The following DIP2C variants were observed in gnomAD, a reference collection of about 807,000 sequenced individuals.
The protein encoded by DIP2C is DIP2 acetate--CoA ligase C (putative).
In DIP2C, 33 loss-of-function variants were observed where a neutral mutation model predicts 192.4. The ratio of observed to expected loss-of-function variants is 0.17; its 90% CI spans 0.13 to 0.23. DIP2C has a LOEUF of 0.23. Ranked by LOEUF, DIP2C falls within the 10% of genes least tolerant of loss-of-function variation. The probability of loss-of-function intolerance (pLI) is 1.00; values close to 1 mark genes in which losing one functional copy is unlikely to be tolerated. For synonymous variants in DIP2C, 979 were observed against 864.1 expected, an observed-to-expected ratio of 1.13 and a Z score of -2.33; for missense variants, 1,537 against 2,110.1, an observed-to-expected ratio of 0.73 and a Z score of 5.32.
chr10:284,879 C>T (rs752399353), intron 34 of DIP2C, among the ~76,000 whole-genome samples: 6 of 151,994 alleles, frequency 3.9e-5, no homozygotes, highest in East Asian at 1.9e-4. Context: ...CCTCATAAAG[C>T]GGAAAAAACA....
In DIP2C at chr10:651,033, A is replaced by T; in HGVS notation, c.85+38461T>A. 1.4e-6 allele frequency: 1 copy of T among 716,996 alleles called. No individual in the cohort carries two copies. Among genetic ancestry groups the T allele is most frequent in the Non-Finnish European group, 2.6e-6 (1 of 384,986 alleles). 44.4% of individuals were successfully genotyped at this position (716,996 alleles called of 1,614,324 possible). On this transcript the variant is annotated intron_variant, in intron 1 of 36. Coordinates refer to ENST00000280886, the MANE Select transcript of DIP2C (RefSeq NM_014974.3). The surrounding 1 kb of genome is among the most constrained non-coding windows in gnomAD (Gnocchi z 4.1). ...CAGGCCCCAGCCCCCGTTTCTGCAG[A>T]AGCCCCTTTCCATCCTAGCCCCTGC...
At chr10:577,985 T>C (rs1051948007) in intron 1 of DIP2C, among the ~76,000 whole-genome samples, 3 of 152,126 alleles carry the variant, frequency 2.0e-5, no homozygotes, top group African/African-American at 7.2e-5. Flanking sequence ...CCATCAAGGG[T>C]GAAATTCCCA....
rs1358266055 is a variant in DIP2C at position 369,641 on chromosome 10, GAC to G, written c.1992-10_1992-9del. The G allele has an allele frequency of 3.1e-6, 5 of 1,614,112 alleles. No homozygotes were observed. The highest frequency in any genetic ancestry group is 1.3e-5 in the African/African-American group (1 of 75,038). ...TTACTGTCATCCGTGGGCCTGTAAT[GAC>G]AGTTTTTAACTTGAATATGCAGGAG... On this transcript the variant is annotated splice_polypyrimidine_tract_variant and intron_variant, in intron 17 of 36. Coordinates refer to ENST00000280886, the MANE Select transcript of DIP2C (RefSeq NM_014974.3).
intron 1 of DIP2C, among the ~76,000 whole-genome samples, chr10:513,680 CCCCCACCCCATGTCCAG>C (rs375178526): frequency 1.2e-4 from 18 of 152,206 alleles, no homozygotes; most frequent in African/African-American, 3.9e-4. Flanking sequence ...ATGACCTCCA[CCCCCACCCCATGTCCAG>C]CCTGCACATG....
At chr10:662,216 G>T in intron 1 of DIP2C, 1 of 670,786 alleles carries the variant, frequency 1.5e-6, no homozygotes, top group Non-Finnish European at 2.7e-6. Flanking sequence ...CCTCACACCT[G>T]CTCTCATTCC....
chr10:481,303 C>T (rs1482855140), intron 2 of DIP2C, among the ~76,000 whole-genome samples: 1 of 152,240 alleles, frequency 6.6e-6, no homozygotes, highest in Non-Finnish European at 1.5e-5. Context: ...CGTATGTAAC[C>T]AAAGTGCAAA....
chr10:613,668 A>G (rs1203666962), intron 1 of DIP2C, among the ~76,000 whole-genome samples: 3 of 152,218 alleles, frequency 2.0e-5, no homozygotes, highest in Non-Finnish European at 2.9e-5. Context: ...CTGAATTACA[A>G]TGGCAGATTC....
intron 32 of DIP2C, among the ~76,000 whole-genome samples, chr10:297,497 G>C (rs1955818528): frequency 6.6e-6 from 1 of 152,174 alleles, no homozygotes; most frequent in Non-Finnish European, 1.5e-5. Context: ...AGCCATAACA[G>C]AGAATGAAAT....
At chr10:364,261 G>C in intron 20 of DIP2C, 113 bp downstream of exon 20, 1 of 1,260,698 alleles carries the variant, frequency 7.9e-7, no homozygotes, top group Non-Finnish European at 1.1e-6. Flanking sequence ...CATGGAAGAG[G>C]AAACGGAGAC....
intron 1 of DIP2C, among the ~76,000 whole-genome samples, chr10:587,713 G>C (rs816610): frequency 1.9e-3 from 208 of 108,282 alleles, no homozygotes; most frequent in African/African-American, 8.4e-3. Flanking sequence ...CCTCAGCCCT[G>C]ACCCTCCTGA....
At chr10:544,631 T>C (rs1329809316) in intron 1 of DIP2C, among the ~76,000 whole-genome samples, 1 of 152,234 alleles carries the variant, frequency 6.6e-6, no homozygotes, top group East Asian at 1.9e-4. Context: ...CCCATCCCAG[T>C]GGTTGTGAAG....
chr10:376,335 C>T lies in DIP2C; in HGVS notation c.1991+6312G>A, dbSNP rs55678317. ...CAGGGAGAAGGACCCAGGCCCACCT[C>T]GGCCCCCGACGGAGCCGGCACAGAG... On this transcript the variant is annotated intron_variant, in intron 17 of 36. Transcript: ENST00000280886. 3.6e-3 allele frequency among the ~76,000 whole-genome samples: 547 copies of T among 152,176 alleles called. 4 individuals carry two copies. The highest frequency in any genetic ancestry group is 0.012 in the African/African-American group (517 of 41,448).
chr10:462,302 AGAG>A (rs1235145130), intron 3 of DIP2C, among the ~76,000 whole-genome samples: 2 of 152,000 alleles, frequency 1.3e-5, no homozygotes, highest in Non-Finnish European at 2.9e-5. Flanking sequence ...AGAAGAAAAG[AGAG>A]AAGAATCAAA....
chr10:390,932 CTCCAGCGTTCACACAGACCCTCGAG>C, intron 10 of DIP2C, 69 bp from the exon 11 acceptor site: 1 of 1,582,950 alleles, frequency 6.3e-7, no homozygotes. Context: ...TCGGCCCTCC[CTCCAGCGTTCACACAGACCCTCGAG>C]TCTGCAGAAC....
intron 1 of DIP2C, among the ~76,000 whole-genome samples, chr10:558,502 G>C (rs1392013511): frequency 6.6e-6 from 1 of 152,192 alleles, no homozygotes; most frequent in Non-Finnish European, 1.5e-5. Flanking sequence ...AGATACGGGG[G>C]GTGGAGGCGG....
intron 17 of DIP2C, among the ~76,000 whole-genome samples, chr10:371,664 C>T (rs1181468653): frequency 7.1e-6 from 1 of 141,092 alleles, no homozygotes; most frequent in Non-Finnish European, 1.5e-5. Flanking sequence ...GGGGTGAGGC[C>T]TGGGCTGAGC....
chr10:509,913 G>T (rs1845894855), intron 1 of DIP2C, among the ~76,000 whole-genome samples: 1 of 152,218 alleles, frequency 6.6e-6, no homozygotes, highest in South Asian at 2.1e-4. Context: ...TAAGCAGCAA[G>T]AGGAAGCTTC....
rs562151959 is a variant in DIP2C at position 547,683 on chromosome 10, G to C, written c.86-61153C>G. 3.3e-5 allele frequency among the ~76,000 whole-genome samples: 5 copies of C among 152,302 alleles called. No homozygotes were observed. The South Asian group carries it at 1.0e-3, about 32-fold the overall frequency. On this transcript the variant is annotated intron_variant, in intron 1 of 36. Coordinates refer to ENST00000280886, the MANE Select transcript of DIP2C (RefSeq NM_014974.3). ...AGATAGGCAGAGGCATGACTTTTCAGAGATCCAGAGAACTGATGATGACCA... is the reference window on the plus strand; with the variant it reads ...AGATAGGCAGAGGCATGACTTTTCACAGATCCAGAGAACTGATGATGACCA...
At chr10:379,476 G>A (rs546414538) in intron 17 of DIP2C, among the ~76,000 whole-genome samples, 1 of 152,176 alleles carries the variant, frequency 6.6e-6, no homozygotes, top group East Asian at 1.9e-4. Flanking sequence ...GTCAGACCTG[G>A]GGCTCTTGAA....
Sources: allele counts gnomAD v4.1 joint callset (sites outside exome capture counted in the v4.1 genomes callset), GRCh38; gene constraint gnomAD v4.1.1; non-coding constraint Gnocchi (gnomAD v3.1); transcripts MANE v1.5; gene names NCBI Gene and HGNC (gene_info 2026-07-23, HGNC 2026-07-21).